Variants in PLXNA4 observed in about 807,000 individuals in gnomAD.
PLXNA4 encodes plexin-A4.
PLXNA4 carries 44 observed loss-of-function variants against 191.8 expected under a neutral mutation model. The ratio of observed to expected loss-of-function variants is 0.23; its 90% CI spans 0.18 to 0.29. The LOEUF (loss-of-function observed/expected upper bound fraction) is 0.29, where lower values mean the gene tolerates loss of function less well. PLXNA4 is among the 10% of genes least tolerant of loss of function. The pLI is 1.00. For synonymous variants in PLXNA4, 1,082 were observed against 1,009.5 expected (o/e 1.07, Z -1.36); for missense variants, 1,800 against 2,488.8 (o/e 0.72, Z 5.89).
At chr7:132,337,877 C>T (rs1245410960) in intron 3 of PLXNA4, among the ~76,000 whole-genome samples, 1 of 152,192 alleles carries the variant, frequency 6.6e-6, no homozygotes, top group Non-Finnish European at 1.5e-5. Flanking sequence ...GGGTGAGTCA[C>T]AGACTAATGG....
At chr7:132,503,819 C>G (rs1798351075) in intron 2 of PLXNA4, among the ~76,000 whole-genome samples, 1 of 152,198 alleles carries the variant, frequency 6.6e-6, no homozygotes, top group Admixed American at 6.5e-5. Context: ...CTAGGACCCC[C>G]CCTCATACCC....
chr7:132,424,901 C>T (rs915466541), intron 3 of PLXNA4, among the ~76,000 whole-genome samples: 1 of 152,236 alleles, frequency 6.6e-6, no homozygotes, highest in Non-Finnish European at 1.5e-5. Flanking sequence ...GCCCTCCACG[C>T]ATCGTCCAGC....
At chr7:132,234,014 G>A (rs1241833078) in intron 5 of PLXNA4, among the ~76,000 whole-genome samples, 1 of 152,148 alleles carries the variant, frequency 6.6e-6, no homozygotes, top group East Asian at 1.9e-4. Context: ...CTCTATTAGG[G>A]CCTATTAATT....
At chr7:132,621,170 A>G (rs769742414) in intron 2 of PLXNA4, among the ~76,000 whole-genome samples, 2 of 152,140 alleles carry the variant, frequency 1.3e-5, no homozygotes, top group Non-Finnish European at 2.9e-5. Context: ...TCTATAATTC[A>G]AGTGAACCAT....
rs143590572 is a variant in PLXNA4, at chr7:132,338,086, CTA to C, written c.1372-39866_1372-39865del. ...TGGGCAAGGTCCTCTCTGAAATTCA[CTA>C]TGACTTTCATCCTCTATGAAACTCA... On this transcript the variant is annotated intron_variant, in intron 3 of 31. Transcript: ENST00000321063. Among the ~76,000 whole-genome samples, 469 of 152,316 alleles carry C rather than the reference CTA, an allele frequency of 3.1e-3. 9 individuals are homozygous for C. The East Asian group carries it at 0.054, about 17-fold the overall frequency.
rs112325185 is a variant in PLXNA4 at position 132,583,404 on chromosome 7, A to T, written c.-87+62524T>A. Among the ~76,000 whole-genome samples the T allele has an allele frequency of 1.0e-3, 155 of 152,208 alleles. 1 individual carries two copies. Among genetic ancestry groups the T allele is most frequent in the Middle Eastern group, 6.8e-3 (2 of 292 alleles). On this transcript the variant is annotated intron_variant, in intron 2 of 4. Transcript: ENST00000378539. ...AGATGTGATTGAAAGCTGATCGTCC[A>T]CTTTCCCTCCACACCATTCTCCTTG...
At chr7:132,248,909 G>A (rs1171205324) in intron 4 of PLXNA4, among the ~76,000 whole-genome samples, 1 of 151,978 alleles carries the variant, frequency 6.6e-6, no homozygotes, top group Non-Finnish European at 1.5e-5. Flanking sequence ...GATTTGCCTT[G>A]AGCTTTGCAA....
At chr7:132,377,890 G>T (rs1804725776) in intron 3 of PLXNA4, among the ~76,000 whole-genome samples, 2 of 152,144 alleles carry the variant, frequency 1.3e-5, no homozygotes, top group Non-Finnish European at 1.5e-5. Context: ...CAAAAGAAAA[G>T]AACAGAAACA....
chr7:132,187,422 G>A, intron 15 of PLXNA4, 49 bp downstream of exon 15: 6 of 1,589,160 alleles, frequency 3.8e-6, no homozygotes, highest in Non-Finnish European at 5.1e-6. Context: ...TCATTTACCT[G>A]TCTAACCTTT....
intron 3 of PLXNA4, among the ~76,000 whole-genome samples, chr7:132,474,365 C>CTTTTTTTTTTT (rs1797046668): frequency 6.6e-6 from 1 of 151,970 alleles, no homozygotes; most frequent in African/African-American, 2.4e-5. Flanking sequence ...TTCTGTAGTT[C>CTTTTTTTTTTT]TTTTAATTAA....
At chr7:132,503,174 C>T (rs1405612785) in intron 2 of PLXNA4, among the ~76,000 whole-genome samples, 2 of 152,180 alleles carry the variant, frequency 1.3e-5, no homozygotes, top group Non-Finnish European at 2.9e-5. Flanking sequence ...CCATTGTTCC[C>T]ATCACCCAGG....
chr7:132,154,166 A>T (rs1021494119), intron 25 of PLXNA4, among the ~76,000 whole-genome samples: 21 of 152,054 alleles, frequency 1.4e-4, no homozygotes, highest in Admixed American at 1.1e-3. Flanking sequence ...CCACCCTCCA[A>T]ACCCCGGGCT....
chr7:132,538,759 C>G (rs1013132904), intron 1 of PLXNA4, among the ~76,000 whole-genome samples: 1 of 152,196 alleles, frequency 6.6e-6, no homozygotes, highest in Non-Finnish European at 1.5e-5. Flanking sequence ...TGTCCATTAT[C>G]TCCCGGCTTC....
At chr7:132,205,124 G>A (rs551489261) in intron 10 of PLXNA4, among the ~76,000 whole-genome samples, 158 of 152,320 alleles carry the variant, frequency 1.0e-3, no homozygotes, top group African/African-American at 2.4e-3. Context: ...AGAAACCACA[G>A]TGGAAACTTT....
At chr7:132,319,227 G>A (rs1056968085) in intron 3 of PLXNA4, among the ~76,000 whole-genome samples, 1 of 152,176 alleles carries the variant, frequency 6.6e-6, no homozygotes, top group Non-Finnish European at 1.5e-5. Flanking sequence ...CCCCTGCAGA[G>A]CTTGTGAAAA....
intron 3 of PLXNA4, among the ~76,000 whole-genome samples, chr7:132,401,649 G>A (rs1189617563): frequency 2.0e-5 from 3 of 152,278 alleles, no homozygotes; most frequent in Admixed American, 1.3e-4. Flanking sequence ...TTCAGAGGAC[G>A]GGAAAGGGCC....
At chr7:132,365,361 G>GTGTGTGTGTGCA (rs869294908) in intron 3 of PLXNA4, among the ~76,000 whole-genome samples, 1 of 91,736 alleles carries the variant, frequency 1.1e-5, no homozygotes, top group African/African-American at 6.0e-5. Flanking sequence ...GTGTGTGTGT[G>GTGTGTGTGTGCA]CGTGCGCGCG....
intron 4 of PLXNA4, among the ~76,000 whole-genome samples, chr7:132,287,431 A>C (rs1292692344): frequency 6.6e-6 from 1 of 152,196 alleles, no homozygotes; most frequent in Non-Finnish European, 1.5e-5. Flanking sequence ...AAAGTGCTGA[A>C]AGAGAGTTAT....
chr7:132,524,613 T>A (rs906382296), intron 1 of PLXNA4, among the ~76,000 whole-genome samples: 1 of 152,190 alleles, frequency 6.6e-6, no homozygotes, highest in Admixed American at 6.5e-5. Flanking sequence ...TCTCACTCTG[T>A]CACCCAGGCT....
Sources: gnomAD v4.1 joint callset for allele counts (sites outside exome capture counted in the v4.1 genomes callset) on GRCh38, gnomAD v4.1.1 for gene constraint, MANE v1.5 for transcripts, NCBI Gene and HGNC (gene_info 2026-07-23, HGNC 2026-07-21) for gene names.